Variants in IST1 observed in about 807,000 individuals in gnomAD.
IST1 encodes the protein IST1 factor associated with ESCRT-III.
In IST1, 23 loss-of-function variants were observed where a neutral mutation model predicts 37.0. The observed-to-expected ratio is 0.62, with a 90% CI of 0.45 to 0.88. IST1 has a LOEUF of 0.88. IST1 is among the 40% of genes least tolerant of loss of function. The pLI is 0.00. For missense variants in IST1, 488 were observed against 445.4 expected (o/e 1.10, Z -0.86); for synonymous variants, 180 against 161.7 (o/e 1.11, Z -0.86).
intron 3 of IST1, 40 bp downstream of exon 3, chr16:71,916,682 A>C: frequency 6.5e-7 from 1 of 1,549,300 alleles, no homozygotes; most frequent in Non-Finnish European, 8.8e-7. Context: ...CATTTCTGGA[A>C]TTTGAGAAAG....
chr16:71,898,759 A>G (rs2037036310), intron 1 of IST1, among the ~76,000 whole-genome samples: 1 of 151,780 alleles, frequency 6.6e-6, no homozygotes, highest in South Asian at 2.1e-4. Context: ...CGGGCAGATC[A>G]GGACATCAGG....
intron 3 of IST1, 65 bp downstream of exon 3, chr16:71,916,707 C>G (rs980195308): frequency 1.5e-6 from 2 of 1,373,652 alleles, no homozygotes; most frequent in South Asian, 1.3e-5. Context: ...AATATGATCT[C>G]TTTCTGCATT....
At chr16:71,896,655 C>T (rs564613152) in intron 1 of IST1, among the ~76,000 whole-genome samples, 1 of 152,212 alleles carries the variant, frequency 6.6e-6, no homozygotes, top group South Asian at 2.1e-4. Flanking sequence ...CTCAGAACTT[C>T]TGGGATAGGG....
Position 71,929,783 on chromosome 16 carries a change from A to G in IST1, c.*1970A>G, listed in dbSNP as rs2037860230. 8.6e-7 allele frequency: 1 copy of G among 1,166,714 alleles called. No individual in the cohort carries two copies. Among genetic ancestry groups the G allele is most frequent in the Non-Finnish European group, 1.2e-6 (1 of 843,740 alleles). The allele number at this position is 1,166,714 out of a possible 1,614,324, so 72.3% of individuals were successfully genotyped here. A position where few individuals can be genotyped will look rare whatever the true frequency, so the allele number is the denominator to read the frequency against. On this transcript the variant is annotated 3_prime_UTR_variant, in exon 10 of 10. Transcript: ENST00000378799. The stretch of plus-strand genomic sequence containing the variant: ...TTTTAAAAAATTAGTAAATGTAAAG[A>G]TACTATTTCTTTAATAATTTGCAGT...
chr16:71,894,800 G>C, upstream of IST1: 2 of 1,523,976 alleles, frequency 1.3e-6, no homozygotes, highest in Non-Finnish European at 1.8e-6. Flanking sequence ...CTCTCAAAGT[G>C]CTGGGAAGGT....
chr16:71,904,530 A>G (rs1449856747), intron 1 of IST1, among the ~76,000 whole-genome samples: 2 of 152,076 alleles, frequency 1.3e-5, no homozygotes, highest in Non-Finnish European at 2.9e-5. Flanking sequence ...CTCCCACTTC[A>G]GTCCCCCCGA....
chr16:71,925,505 AG>A (rs2037720848), intron 9 of IST1, among the ~76,000 whole-genome samples: 1 of 148,136 alleles, frequency 6.8e-6, no homozygotes, highest in African/African-American at 2.5e-5. Flanking sequence ...TAGTAGAGAC[AG>A]GGTTTCACCA....
chr16:71,905,522 G>T (rs1333838314), intron 1 of IST1, among the ~76,000 whole-genome samples: 2 of 151,700 alleles, frequency 1.3e-5, no homozygotes, highest in African/African-American at 2.4e-5. Context: ...GGGATTACAG[G>T]CGCCCACCAC....
At chr16:71,909,947 G>A (rs1032144149) in intron 1 of IST1, among the ~76,000 whole-genome samples, 1 of 152,024 alleles carries the variant, frequency 6.6e-6, no homozygotes, top group Non-Finnish European at 1.5e-5. Flanking sequence ...GTAATTTAAC[G>A]GCAAGTTGGA....
chr16:71,928,228 C>A lies in IST1; in HGVS notation c.*415C>A, dbSNP rs72801790. On this transcript the variant is annotated 3_prime_UTR_variant, in exon 10 of 10. Coordinates refer to ENST00000378799, the MANE Select transcript of IST1 (RefSeq NM_001270975.2). ...TTGAGGTTCCAGACTTAGAAACAGACCCCTCTGTACAGGGGGATTGTGGTG... is the reference window on the plus strand; with the variant it reads ...TTGAGGTTCCAGACTTAGAAACAGAACCCTCTGTACAGGGGGATTGTGGTG... The A allele has an allele frequency of 4.3e-6, 1 of 233,348 alleles. No individual in the cohort carries two copies. The highest frequency in any genetic ancestry group is 2.3e-5 in the African/African-American group (1 of 43,464). The allele number at this position is 233,348 out of a possible 1,614,324, so 14.5% of individuals were successfully genotyped here.
chr16:71,913,227 A>G (rs920449863), intron 1 of IST1, among the ~76,000 whole-genome samples: 2 of 151,960 alleles, frequency 1.3e-5, no homozygotes, highest in Non-Finnish European at 2.9e-5. Flanking sequence ...TCCCACCAAC[A>G]GTGCACAAGG....
chr16:71,917,348 GT>G (rs2037487397), intron 4 of IST1, among the ~76,000 whole-genome samples: 1 of 152,148 alleles, frequency 6.6e-6, no homozygotes, highest in Non-Finnish European at 1.5e-5. Context: ...AAGGAGCAAA[GT>G]TTTGTGTATC....
chr16:71,913,476 C>A (rs1203436123), intron 1 of IST1, among the ~76,000 whole-genome samples: 1 of 152,074 alleles, frequency 6.6e-6, no homozygotes, highest in East Asian at 1.9e-4. Flanking sequence ...TTACAGGAGT[C>A]ATTTACATGC....
At chr16:71,898,629 A>G (rs1197434268) in intron 1 of IST1, among the ~76,000 whole-genome samples, 7 of 149,360 alleles carry the variant, frequency 4.7e-5, no homozygotes, top group African/African-American at 1.7e-4. Context: ...GTGAGCCAAG[A>G]TCCAGCTTGG....
intron 1 of IST1, among the ~76,000 whole-genome samples, chr16:71,913,840 C>T (rs1283587108): frequency 2.0e-5 from 3 of 152,048 alleles, no homozygotes; most frequent in Non-Finnish European, 4.4e-5. Context: ...CGGAGTTTCA[C>T]TCTTGTTGCC....
At chr16:71,906,902 T>C (rs1464438781) in intron 1 of IST1, among the ~76,000 whole-genome samples, 3 of 152,116 alleles carry the variant, frequency 2.0e-5, no homozygotes, top group African/African-American at 7.2e-5. Context: ...GGTTGTCTCA[T>C]GCCTGTAGTC....
intron 1 of IST1, among the ~76,000 whole-genome samples, chr16:71,906,441 A>T (rs1008526261): frequency 1.3e-5 from 2 of 150,632 alleles, no homozygotes; most frequent in Non-Finnish European, 2.9e-5. Context: ...CTGAGTAGCT[A>T]GGATTACAGG....
intron 1 of IST1, among the ~76,000 whole-genome samples, chr16:71,899,383 A>G (rs1407131076): frequency 6.6e-6 from 1 of 151,812 alleles, no homozygotes; most frequent in African/African-American, 2.4e-5. Context: ...TTGGGAGACC[A>G]GCCTGGGCAA....
chr16:71,927,027 G>A (rs1429854630), intron 9 of IST1, among the ~76,000 whole-genome samples: 1 of 152,136 alleles, frequency 6.6e-6, no homozygotes, highest in Non-Finnish European at 1.5e-5. Context: ...GGACTTAGTT[G>A]GTAAAGTAAC....
Sources: gnomAD v4.1 joint callset for allele counts (sites outside exome capture counted in the v4.1 genomes callset) on GRCh38, gnomAD v4.1.1 for gene constraint, MANE v1.5 for transcripts, NCBI Gene and HGNC (gene_info 2026-07-23, HGNC 2026-07-21) for gene names.